The following ZNF317 variants were observed in gnomAD, a reference collection of about 807,000 sequenced individuals.
ZNF317 encodes zinc finger protein 317.
Under a neutral mutation model 23.4 loss-of-function variants are expected in ZNF317, and 17 were observed. That is an observed-to-expected ratio of 0.73 (90% CI 0.50 to 1.09). The LOEUF (loss-of-function observed/expected upper bound fraction) is 1.09, where lower values mean the gene tolerates loss of function less well. ZNF317 is among the 50% of genes least tolerant of loss of function. The pLI is 0.00. For missense variants in ZNF317, 679 were observed against 796.7 expected (o/e 0.85, Z 1.78); for synonymous variants, 317 against 314.9 (o/e 1.01, Z -0.07).
At chr19:9,150,854 G>A (rs754488853) in intron 1 of ZNF317, among the ~76,000 whole-genome samples, 5 of 152,166 alleles carry the variant, frequency 3.3e-5, no homozygotes, top group Admixed American at 6.5e-5. Flanking sequence ...ATGTGGCTCC[G>A]CAGTCACGTC....
At chr19:9,158,974 T>G in intron 6 of ZNF317, 66 bp downstream of exon 6, 1 of 1,170,266 alleles carries the variant, frequency 8.5e-7, no homozygotes, top group South Asian at 1.2e-5. Flanking sequence ...GCAGCCTAGG[T>G]TAGAAAAGCA....
At position 9,143,745 on chromosome 19, in the gene ZNF317, CT is replaced by C. The variant is rs1555712874; in HGVS notation, c.-93+3165del. ...ATTTCTCCTTAGAATTCTGTCCCCC[CT>C]TTTTTTTTTTTAATTTTTGTGTTTT... On this transcript the variant is annotated intron_variant, in intron 1 of 6. Coordinates refer to ENST00000247956, the MANE Select transcript of ZNF317 (RefSeq NM_020933.5). Among the ~76,000 whole-genome samples, 215 of 143,962 alleles carry C rather than the reference CT, an allele frequency of 1.5e-3. 2 individuals are homozygous for C. The highest frequency in any genetic ancestry group is 0.015 in the Middle Eastern group (4 of 272). The allele number at this position is 143,962 out of a possible 152,430, so 94.4% of individuals were successfully genotyped here. A position where few individuals can be genotyped will look rare whatever the true frequency, so the allele number is the denominator to read the frequency against.
At chr19:9,157,692 T>A (rs1425427099) in intron 4 of ZNF317, 16 of 507,588 alleles carry the variant, frequency 3.2e-5, no homozygotes, top group South Asian at 1.2e-4. Context: ...TTTTTTTTTT[T>A]TTTTTTTTTT....
Position 9,140,493 on chromosome 19 carries a change from C to T in ZNF317, c.-192C>T. 2.2e-6 allele frequency: 1 copy of T among 456,514 alleles called. No homozygotes were observed. Among genetic ancestry groups the T allele is most frequent in the Non-Finnish European group, 4.4e-6 (1 of 226,890 alleles). 28.3% of individuals were successfully genotyped at this position (456,514 alleles called of 1,614,324 possible). ...GAATTCTTTCGGCCTGTTGGGGACCCCTCGTGTCCCCACGCCAGACTGGAC... is the reference window on the plus strand; with the variant it reads ...GAATTCTTTCGGCCTGTTGGGGACCTCTCGTGTCCCCACGCCAGACTGGAC... On this transcript the variant is annotated 5_prime_UTR_variant, in exon 1 of 7. Coordinates refer to ENST00000247956, the MANE Select transcript of ZNF317 (RefSeq NM_020933.5).
Position 9,158,848 on chromosome 19 carries a change from C to A in ZNF317, c.408C>A (p.Thr136=), listed in dbSNP as rs1216733436. Residue 136 remains threonine (T), a synonymous_variant, in exon 6 of 7, where the codon ACC becomes ACA. Transcript: ENST00000247956. Reference sequence around the variant, plus strand: ...CAGATTGGGAGACTCCATCTAAAACCAAGTGGTCACTTCTTATGGAAGATA... The same window carrying A: ...CAGATTGGGAGACTCCATCTAAAACAAAGTGGTCACTTCTTATGGAAGATA... The part of the protein sequence containing the change: ...ACADWETPSK[T]KWSLLMEDIF... 2 of 1,611,770 alleles carry A rather than the reference C, an allele frequency of 1.2e-6. No individual in the cohort carries two copies. The highest frequency in any genetic ancestry group is 3.3e-5 in the Admixed American group (2 of 59,994).
chr19:9,146,964 C>T (rs1030580656), intron 1 of ZNF317, among the ~76,000 whole-genome samples: 1 of 152,130 alleles, frequency 6.6e-6, no homozygotes, highest in African/African-American at 2.4e-5. Flanking sequence ...GGACCACAAA[C>T]TTGATGGAGG....
rs1478426795 is a variant in ZNF317 at position 9,163,198 on chromosome 19, C to T, written c.*1765C>T. ...TCCTCCCTGTATGTTTTGTTCTTTG[C>T]TTTACTTTTCACCTTGCAAAGAGAT... On this transcript the variant is annotated 3_prime_UTR_variant, in exon 7 of 7. Transcript: ENST00000247956. 1 of 152,094 alleles carries T rather than the reference C, an allele frequency of 6.6e-6. No individual in the cohort carries two copies. Among genetic ancestry groups the T allele is most frequent in the African/African-American group, 2.4e-5 (1 of 41,402 alleles). The allele number at this position is 152,094 out of a possible 1,614,324, so 9.4% of individuals were successfully genotyped here.
intron 1 of ZNF317, among the ~76,000 whole-genome samples, chr19:9,146,673 G>T (rs1252797343): frequency 6.6e-6 from 1 of 151,528 alleles, no homozygotes; most frequent in African/African-American, 2.4e-5. Flanking sequence ...CAAATGATCT[G>T]CCCGCCTCAG....
At chr19:9,150,369 A>G (rs970592892) in intron 1 of ZNF317, among the ~76,000 whole-genome samples, 3 of 152,246 alleles carry the variant, frequency 2.0e-5, no homozygotes, top group African/African-American at 7.2e-5. Flanking sequence ...TAAAGTCTTC[A>G]GTTTCCAGAT....
intron 1 of ZNF317, among the ~76,000 whole-genome samples, chr19:9,147,378 C>T (rs982912208): frequency 2.3e-5 from 3 of 129,080 alleles, no homozygotes; most frequent in African/African-American, 5.8e-5. Flanking sequence ...CTCGCTCTGT[C>T]GCCCAGGCTG....
chr19:9,158,798 CAATT>C (rs1212989077), intron 5 of ZNF317, 24 bp from the exon 6 acceptor site: 2 of 1,464,362 alleles, frequency 1.4e-6, no homozygotes, highest in Admixed American at 1.7e-5. Context: ...CCTTTTCCAA[CAATT>C]AATACTTTTC....
chr19:9,154,928 C>G (rs957429302), intron 1 of ZNF317, among the ~76,000 whole-genome samples: 4 of 152,156 alleles, frequency 2.6e-5, no homozygotes, highest in Non-Finnish European at 5.9e-5. Flanking sequence ...TTGCATTTCT[C>G]TAATGACTAT....
In ZNF317 at chr19:9,162,597, C is replaced by T. The variant is rs907814109; in HGVS notation, c.*1164C>T. ...CGAGAGAAGCCCCAACGAGATTTTC[C>T]GGTGAATACGGGACTGCACGTACTC... On this transcript the variant is annotated 3_prime_UTR_variant, in exon 7 of 7. Coordinates refer to ENST00000247956, the MANE Select transcript of ZNF317 (RefSeq NM_020933.5). The T allele has an allele frequency of 2.6e-5, 4 of 151,126 alleles. No homozygotes were observed. The highest frequency in any genetic ancestry group is 2.1e-4 in the South Asian group (1 of 4,750). 9.4% of individuals were successfully genotyped at this position (151,126 alleles called of 1,614,324 possible). A position where few individuals can be genotyped will look rare whatever the true frequency, so the allele number is the denominator to read the frequency against.
At chr19:9,145,832 C>A (rs2050678070) in intron 1 of ZNF317, among the ~76,000 whole-genome samples, 1 of 152,168 alleles carries the variant, frequency 6.6e-6, no homozygotes, top group Non-Finnish European at 1.5e-5. Flanking sequence ...TTTGAAACTT[C>A]AGCCTTCATA....
chr19:9,159,098 GTC>G (rs1461221382), intron 6 of ZNF317, among the ~76,000 whole-genome samples, 190 bp downstream of exon 6: 3 of 152,254 alleles, frequency 2.0e-5, no homozygotes, highest in Non-Finnish European at 4.4e-5. Flanking sequence ...TACCTAGAGT[GTC>G]TCTGAGTGAA....
chr19:9,163,310 G>A lies in ZNF317; in HGVS notation c.*1877G>A, dbSNP rs539170395. 8 of 152,368 alleles carry A rather than the reference G, an allele frequency of 5.3e-5. No homozygotes were observed. Among genetic ancestry groups the A allele is most frequent in the Admixed American group, 2.6e-4 (4 of 15,302 alleles). 9.4% of individuals were successfully genotyped at this position (152,368 alleles called of 1,614,324 possible). Reference sequence around the variant, plus strand: ...GAAGTGACTGCAGAAAGCTCACAGCGACCCTGGCCTCCCCTGTGGCCTCTT... The same window carrying A: ...GAAGTGACTGCAGAAAGCTCACAGCAACCCTGGCCTCCCCTGTGGCCTCTT... On this transcript the variant is annotated 3_prime_UTR_variant, in exon 7 of 7. Coordinates refer to ENST00000247956, the MANE Select transcript of ZNF317 (RefSeq NM_020933.5).
chr19:9,160,528 A>G lies in ZNF317; in HGVS notation c.883A>G (p.Ile295Val). The stretch of plus-strand genomic sequence containing the variant: ...ATTCCGGACCCTCTCGGCCCTGAAA[A>G]TCCACATGCGAGTTCACACTGGCGA... ...NAFRTLSALK[I>V]HMRVHTGERP... The change falls in exon 7 of 7, where the codon ATC (isoleucine) becomes GTC (valine). Residue 295 changes from isoleucine (I) to valine (V), a missense_variant. Ile to Val is a conservative substitution (Grantham distance 29). Transcript: ENST00000247956. The surrounding 1 kb of genome is among the most constrained non-coding windows in gnomAD (Gnocchi z 6.8). 6.2e-7 allele frequency: 1 copy of G among 1,614,150 alleles called. No homozygotes were observed. Among genetic ancestry groups the G allele is most frequent in the Non-Finnish European group, 8.5e-7 (1 of 1,180,042 alleles).
Position 9,157,292 on chromosome 19 carries a change from G to T in ZNF317, c.187G>T (p.Ala63Ser), listed in dbSNP as rs772977533. Reference protein sequence around the residue: ...SQESVTFQDVAVDFTEKEWPL... With the variant: ...SQESVTFQDVSVDFTEKEWPL... ...GGAATCGGTGACTTTCCAAGATGTCGCTGTGGACTTTACCGAGAAGGAGTG... is the reference window on the plus strand; with the variant it reads ...GGAATCGGTGACTTTCCAAGATGTCTCTGTGGACTTTACCGAGAAGGAGTG... The change falls in exon 4 of 7, where the codon GCT (alanine) becomes TCT (serine). Residue 63 changes from alanine (A) to serine (S), a missense_variant. Transcript: ENST00000247956. 1.2e-6 allele frequency: 2 copies of T among 1,614,036 alleles called. No individual in the cohort carries two copies. Among genetic ancestry groups the T allele is most frequent in the Admixed American group, 3.3e-5 (2 of 60,008 alleles).
chr19:9,155,951 G>A lies in ZNF317; in HGVS notation c.-66G>A, dbSNP rs1445513558. On this transcript the variant is annotated 5_prime_UTR_variant, in exon 2 of 7. Transcript: ENST00000247956. ...TGCCAGCTTGGAGAGTCACGTGAGA[G>A]CAAGAGAGTAGCTTTCTGGTTGTCC... The A allele has an allele frequency of 6.2e-7, 1 of 1,604,934 alleles. No individual in the cohort carries two copies. The highest frequency in any genetic ancestry group is 8.5e-7 in the Non-Finnish European group (1 of 1,171,708).
Sources: gnomAD v4.1 joint callset for allele counts (sites outside exome capture counted in the v4.1 genomes callset) on GRCh38, gnomAD v4.1.1 for gene constraint, Gnocchi (gnomAD v3.1) non-coding constraint, MANE v1.5 for transcripts, NCBI Gene and HGNC (gene_info 2026-07-23, HGNC 2026-07-21) for gene names.